The following SHOX variants were observed in gnomAD, a reference collection of about 807,000 sequenced individuals.
SHOX encodes the protein short stature homeobox protein.
In SHOX, 12 loss-of-function variants were observed where a neutral mutation model predicts 29.6. That is an observed-to-expected ratio of 0.41 (90% confidence interval 0.26 to 0.66). SHOX has a LOEUF of 0.66. SHOX is among the 30% of genes least tolerant of loss of function. SHOX has a pLI of 0.35. For synonymous variants in SHOX, 214 were observed against 200.6 expected, an observed-to-expected ratio of 1.07 and a Z score of -0.57; for missense variants, 499 against 437.7, an observed-to-expected ratio of 1.14 and a Z score of -1.25.
At chrX:638,471 C>T (rs2052794996) in intron 2 of SHOX, among the ~76,000 whole-genome samples, 2 of 152,032 alleles carry the variant, frequency 1.3e-5, no homozygotes, top group South Asian at 2.1e-4. Context: ...GGTCTGAAGG[C>T]GCCAGCTTTG....
chrX:636,923 G>C (rs918456834), intron 2 of SHOX, among the ~76,000 whole-genome samples: 3 of 135,810 alleles, frequency 2.2e-5, no homozygotes, highest in African/African-American at 8.7e-5. Flanking sequence ...GATGGAGAGG[G>C]TTTTACGAGC....
chrX:633,190 C>T (rs2052679730), intron 1 of SHOX, among the ~76,000 whole-genome samples: 1 of 151,998 alleles, frequency 6.6e-6, no homozygotes, highest in African/African-American at 2.4e-5. Flanking sequence ...CTGAGGTTAC[C>T]GTGGAAGCCT....
chrX:657,709 C>A (rs2053166880), intron 5 of SHOX, among the ~76,000 whole-genome samples: 1 of 152,064 alleles, frequency 6.6e-6, no homozygotes, highest in African/African-American at 2.4e-5. Context: ...GAAAAGATGC[C>A]CTTCTCAGAA....
At position 650,284 on chromosome X, in the gene SHOX, GC is replaced by G. The variant is rs1487738717; in HGVS notation, c.*5650del. ...TTGGTGTCTCCCGTACGGGAAGGAG[GC>G]CTTTGGGCCGCTCCAAAGACGCCCT... On this transcript the variant is annotated 3_prime_UTR_variant, in exon 5 of 5. Transcript: ENST00000686671. 6.6e-6 allele frequency among the ~76,000 whole-genome samples: 1 copy of G among 152,194 alleles called. No homozygotes were observed. Among genetic ancestry groups the G allele is most frequent in the African/African-American group, 2.4e-5 (1 of 41,466 alleles).
intron 2 of SHOX, among the ~76,000 whole-genome samples, chrX:635,848 TGG>T (rs2052736047): frequency 9.3e-6 from 1 of 107,472 alleles, no homozygotes; most frequent in Non-Finnish European, 1.9e-5. Flanking sequence ...AGGACAGAAG[TGG>T]GGGGAGGGAG....
rs997986596 is a variant in SHOX at position 648,930 on chromosome X, C to A, written c.*4294C>A. On this transcript the variant is annotated 3_prime_UTR_variant, in exon 5 of 5. Transcript: ENST00000686671. The stretch of plus-strand genomic sequence containing the variant: ...TTCCTTTCTTTCTTTTTCTTTCTTT[C>A]TCTCTTTCTTTCTTTTCTTTCTTTC... 6.8e-5 allele frequency among the ~76,000 whole-genome samples: 6 copies of A among 88,158 alleles called. No individual in the cohort carries two copies. Among genetic ancestry groups the A allele is most frequent in the African/African-American group, 2.2e-4 (6 of 26,694 alleles). The allele number at this position is 88,158 out of a possible 152,430, so 57.8% of individuals were successfully genotyped here.
chrX:627,495 T>C (rs2052559322), upstream of SHOX, among the ~76,000 whole-genome samples: 1 of 152,150 alleles, frequency 6.6e-6, no homozygotes. Flanking sequence ...AGATGAGATC[T>C]CTTTCGCGTA....
downstream of SHOX, among the ~76,000 whole-genome samples, chrX:653,073 T>C (rs2053090765): frequency 6.6e-6 from 1 of 152,028 alleles, no homozygotes; most frequent in Admixed American, 6.6e-5. Flanking sequence ...AAACTCTATC[T>C]CTACTAAAAA....
At chrX:640,539 G>A (rs2052835070) in intron 2 of SHOX, among the ~76,000 whole-genome samples, 1 of 152,158 alleles carries the variant, frequency 6.6e-6, no homozygotes, top group Non-Finnish European at 1.5e-5. Flanking sequence ...TAGTGCCACT[G>A]CACTCCAGCC....
rs2052709849 is a variant in SHOX, at chrX:634,650, G to C, written c.310G>C (p.Val104Leu). The C allele has an allele frequency of 1.9e-6, 3 of 1,613,886 alleles. No homozygotes were observed. The highest frequency in any genetic ancestry group is 2.5e-6 in the Non-Finnish European group (3 of 1,179,868). The part of the protein sequence containing the change: ...IYECKEKRED[V>L]KSEDEDGQTK... ...TGAATGCAAAGAGAAGCGCGAGGAC[G>C]TGAAGTCGGAGGACGAGGACGGGCA... is the stretch of plus-strand genomic sequence containing the variant. Residue 104 changes from valine to leucine, a missense_variant, in exon 2 of 5, where the codon GTG (valine) becomes CTG (leucine). By Grantham distance (32) the Val-to-Leu change is conservative. Transcript: ENST00000686671.
chrX:630,598 C>T (rs1185973234), upstream of SHOX: 1 of 544,688 alleles, frequency 1.8e-6, no homozygotes, highest in Admixed American at 3.2e-5. Context: ...CCCTTCGCAC[C>T]AAGGTGTACG....
intron 1 of SHOX, among the ~76,000 whole-genome samples, chrX:632,364 T>C (rs1177655503): frequency 6.6e-6 from 1 of 152,120 alleles, no homozygotes; most frequent in African/African-American, 2.4e-5. Flanking sequence ...ACACGACAAC[T>C]GGGCGGCATA....
chrX:637,158 G>A (rs1284406391), intron 2 of SHOX, among the ~76,000 whole-genome samples: 1 of 151,884 alleles, frequency 6.6e-6, no homozygotes, highest in Non-Finnish European at 1.5e-5. Context: ...TCCTTAGGGC[G>A]TCTGTGGCCT....
upstream of SHOX, among the ~76,000 whole-genome samples, chrX:627,337 C>T (rs1172271724): frequency 6.6e-6 from 1 of 152,168 alleles, no homozygotes; most frequent in Non-Finnish European, 1.5e-5. Context: ...ATCAAGCACT[C>T]AAACGCTGGG....
Position 630,863 on chromosome X carries a change from C to T in SHOX, c.-35C>T, listed in dbSNP as rs2052634493. ...CCGCGCGGGGAGACGCGCGCATCCA[C>T]CAGCCCCGGCTGCTCGCCAGCCCCG... On this transcript the variant is annotated 5_prime_UTR_variant, in exon 1 of 5. Coordinates refer to ENST00000686671, the MANE Select transcript of SHOX (RefSeq NM_000451.4). The T allele has an allele frequency of 1.9e-6, 3 of 1,611,518 alleles. No homozygotes were observed. Among genetic ancestry groups the T allele is most frequent in the African/African-American group, 1.3e-5 (1 of 74,874 alleles).
upstream of SHOX, among the ~76,000 whole-genome samples, chrX:629,493 CTCTCTCTCTCTCCA>C (rs1182023335): frequency 7.3e-5 from 11 of 151,038 alleles, no homozygotes; most frequent in East Asian, 1.9e-4. Context: ...CTCTCTCTTT[CTCTCTCTCTCTCCA>C]TCTCTCTCTC....
In SHOX at chrX:649,329, C is replaced by T. The variant is rs187645891; in HGVS notation, c.*4693C>T. On this transcript the variant is annotated 3_prime_UTR_variant, in exon 5 of 5. Transcript: ENST00000686671. ...GCTGGGATTACGGGGTGAGGCACCGCGCCCGGCCTCCTCTCTCTTTTTCTG... is the reference window on the plus strand; with the variant it reads ...GCTGGGATTACGGGGTGAGGCACCGTGCCCGGCCTCCTCTCTCTTTTTCTG... Among the ~76,000 whole-genome samples, 24 of 152,278 alleles carry T rather than the reference C, an allele frequency of 1.6e-4. No individual in the cohort carries two copies. The highest frequency in any genetic ancestry group is 9.7e-4 in the East Asian group (5 of 5,168).
intron 2 of SHOX, among the ~76,000 whole-genome samples, chrX:635,889 T>C (rs1320876690): frequency 6.9e-6 from 1 of 145,836 alleles, no homozygotes; most frequent in African/African-American, 2.6e-5. Flanking sequence ...AGAGAGACGG[T>C]CAGGATCCCC....
chrX:624,905 T>TTC, intron 1 of SHOX, among the ~76,000 whole-genome samples: 1 of 45,222 alleles, frequency 2.2e-5, no homozygotes, highest in Admixed American at 2.0e-4. Context: ...TTTCTTTCTC[T>TTC]CTTCCTTTCT....
Sources: gnomAD v4.1 joint callset for allele counts (sites outside exome capture counted in the v4.1 genomes callset) on GRCh38, gnomAD v4.1.1 for gene constraint, MANE v1.5 for transcripts, NCBI Gene and HGNC (gene_info 2026-07-23, HGNC 2026-07-21) for gene names.